MORC2: variants seen among roughly 807,000 people sequenced by gnomAD.
MORC2 encodes MORC family CW-type zinc finger 2.
Under a neutral mutation model 136.0 loss-of-function variants are expected in MORC2, and 30 were observed. The observed-to-expected ratio is 0.22, with a 90% confidence interval of 0.17 to 0.30. MORC2 has a LOEUF of 0.30. Among genes scored for constraint, MORC2 ranks in the 10% least tolerant of loss-of-function variants. The pLI is 1.00. For synonymous variants in MORC2, 439 were observed against 487.0 expected, an observed-to-expected ratio of 0.90 and a Z score of 1.30; for missense variants, 922 against 1,333.1, an observed-to-expected ratio of 0.69 and a Z score of 4.80.
Position 30,932,783 on chromosome 22 carries a change from A to G in MORC2, c.2523-14T>C, listed in dbSNP as rs146999378. On this transcript the variant is annotated splice_polypyrimidine_tract_variant and intron_variant, in intron 22 of 25. Transcript: ENST00000397641. The surrounding 1 kb of genome is among the most constrained non-coding windows in gnomAD (Gnocchi z 4.4). ...CCTTTCTCCACCCTGTGGAAGACAC[A>G]CAGCTTATGTCATGTCTGACCCGGG... 5.4e-5 allele frequency: 87 copies of G among 1,613,988 alleles called. No homozygotes were observed. The East Asian group carries it at 1.9e-3, about 36-fold the overall frequency.
rs143046823 is a variant in MORC2, at chr22:30,932,687, C to T, written c.2605G>A (p.Gly869Arg). 1.5e-5 allele frequency: 25 copies of T among 1,614,076 alleles called. No homozygotes were observed. Among genetic ancestry groups the T allele is most frequent in the African/African-American group, 1.5e-4 (11 of 74,926 alleles). ...HQSLDTQQEGGEEEVGPVAQQ... is the reference protein window; with the variant it reads ...HQSLDTQQEGREEEVGPVAQQ... ...GCCACAGGGCCCACCTCCTCCTCCC[C>T]GCCCTCCTGTTGTGTATCAAGGCTC... is the stretch of plus-strand genomic sequence containing the variant. Residue 869 changes from glycine (G) to arginine (R), a missense_variant, in exon 23 of 26, where the codon GGG becomes AGG. This residue lies in a region of MORC2 where 263 missense variants were observed against 388.3 expected (regional missense o/e 0.68). Coordinates refer to ENST00000397641, the MANE Select transcript of MORC2 (RefSeq NM_001303256.3). The surrounding 1 kb of genome is among the most constrained non-coding windows in gnomAD (Gnocchi z 4.4).
At chr22:30,949,392 G>C (rs1385617787) in intron 5 of MORC2, among the ~76,000 whole-genome samples, 1 of 152,192 alleles carries the variant, frequency 6.6e-6, no homozygotes, top group African/African-American at 2.4e-5. Context: ...TGCACAGTAA[G>C]GTGACCCCTT....
intron 5 of MORC2, among the ~76,000 whole-genome samples, chr22:30,947,731 A>G (rs2040839206): frequency 6.6e-6 from 1 of 152,128 alleles, no homozygotes; most frequent in Admixed American, 6.5e-5. Context: ...GCGTATGGGG[A>G]GCAAGTAAGG....
intron 6 of MORC2, among the ~76,000 whole-genome samples, chr22:30,944,561 A>G (rs1464833790): frequency 2.0e-5 from 3 of 152,050 alleles, no homozygotes; most frequent in African/African-American, 7.2e-5. Context: ...TTTGCTACCA[A>G]GAATGCTGAA....
At chr22:30,955,186 G>A (rs747542891) in intron 3 of MORC2, among the ~76,000 whole-genome samples, 1 of 152,000 alleles carries the variant, frequency 6.6e-6, no homozygotes, top group Non-Finnish European at 1.5e-5. Flanking sequence ...TCAAACACCC[G>A]ACCTAAGGTG....
chr22:30,964,812 A>G (rs899446980), intron 1 of MORC2, among the ~76,000 whole-genome samples: 2 of 152,210 alleles, frequency 1.3e-5, no homozygotes, highest in African/African-American at 4.8e-5. Context: ...ACTGTCTCCA[A>G]AAGATGCTCC....
intron 17 of MORC2, among the ~76,000 whole-genome samples, chr22:30,935,624 G>A (rs943818797): frequency 2.0e-5 from 3 of 152,152 alleles, no homozygotes; most frequent in East Asian, 1.9e-4. Flanking sequence ...GGGAAAACCT[G>A]GATGAAGCCA....
chr22:30,940,191 A>G, intron 10 of MORC2, 150 bp from the exon 11 acceptor site: 4 of 756,462 alleles, frequency 5.3e-6, no homozygotes, highest in Non-Finnish European at 8.6e-6. Flanking sequence ...ATGTGAGGGC[A>G]GCCTCTGTGC....
At position 30,935,013 on chromosome 22, in the gene MORC2, G is replaced by A. The variant is rs762562780; in HGVS notation, c.1961C>T (p.Pro654Leu). The A allele has an allele frequency of 1.2e-6, 2 of 1,614,134 alleles. No homozygotes were observed. The highest frequency in any genetic ancestry group is 2.2e-5 in the South Asian group (2 of 91,072). Reference sequence around the variant, plus strand: ...GGCCTCCTCCCGGGCTGCCAAAGCAGGGAGCTTTGGGGTACTGCTGATGAC... The same window carrying A: ...GGCCTCCTCCCGGGCTGCCAAAGCAAGGAGCTTTGGGGTACTGCTGATGAC... ...APVISSTPKL[P>L]ALAAREEAST... Residue 654 changes from proline (P) to leucine (L), a missense_variant, in exon 19 of 26, where the codon CCT becomes CTT. Pro to Leu is a moderately conservative substitution (Grantham distance 98). Coordinates refer to ENST00000397641, the MANE Select transcript of MORC2 (RefSeq NM_001303256.3).
intron 12 of MORC2, among the ~76,000 whole-genome samples, chr22:30,938,491 T>C (rs1354898426): frequency 6.6e-5 from 10 of 152,196 alleles, no homozygotes; most frequent in Admixed American, 6.5e-4. Context: ...TGCAAATCTG[T>C]GCAAAGACAA....
intron 3 of MORC2, among the ~76,000 whole-genome samples, chr22:30,952,197 A>C (rs2040898409): frequency 6.6e-6 from 1 of 152,350 alleles, no homozygotes; most frequent in South Asian, 2.1e-4. Flanking sequence ...AAGTGTCATA[A>C]GGAGACTCAA....
rs549864518 is a variant in MORC2 at position 30,941,224 on chromosome 22, T to C, written c.824+209A>G. ...CTGTCACAGAGGCACACATACTCAA[T>C]GAGCTTAGCCAGCCACCTCCACAGC... On this transcript the variant is annotated intron_variant, in intron 9 of 25. Transcript: ENST00000397641. This position sits in a 1 kb window ranked among gnomAD's most constrained non-coding sequence, Gnocchi z 4.6. 1.2e-4 allele frequency among the ~76,000 whole-genome samples: 19 copies of C among 152,226 alleles called. No homozygotes were observed. Among genetic ancestry groups the C allele is most frequent in the South Asian group, 2.1e-4 (1 of 4,824 alleles).
intron 17 of MORC2, 30 bp from the exon 18 acceptor site, chr22:30,935,352 T>C (rs377641841): frequency 5.0e-6 from 8 of 1,605,008 alleles, no homozygotes; most frequent in Admixed American, 3.4e-5. Context: ...ATGAAGTTGT[T>C]TGCATATTTT....
At chr22:30,956,281 GAAC>G (rs1215383249) in intron 3 of MORC2, among the ~76,000 whole-genome samples, 6 of 152,222 alleles carry the variant, frequency 3.9e-5, no homozygotes, top group African/African-American at 9.6e-5. Flanking sequence ...ACACCTCTGA[GAAC>G]AACTCAGCAA....
chr22:30,958,740 A>G, intron 1 of MORC2, 46 bp from the exon 2 acceptor site: 5 of 1,421,704 alleles, frequency 3.5e-6, no homozygotes, highest in Non-Finnish European at 4.8e-6. Flanking sequence ...TATTGAAGTT[A>G]TAATTCCTAA....
At position 30,939,643 on chromosome 22, in the gene MORC2, T is replaced by A. The variant is rs763533156; in HGVS notation, c.1051A>T (p.Arg351Trp). Residue 351 changes from arginine to tryptophan, a missense_variant, in exon 12 of 26, where the codon AGG becomes TGG. Coordinates refer to ENST00000397641, the MANE Select transcript of MORC2 (RefSeq NM_001303256.3). ...TLRREADVKK[R>W]IKEAKQRALK... ...CACCGCTGCTTGGCCTCCTTGATCC[T>A]CTTCTTGACATCGGCTTCTCTGCGC... 1.2e-6 allele frequency: 2 copies of A among 1,614,146 alleles called. No homozygotes were observed. The highest frequency in any genetic ancestry group is 3.3e-5 in the Admixed American group (2 of 60,024).
chr22:30,937,871 T>C lies in MORC2; in HGVS notation c.1313A>G (p.His438Arg). The stretch of plus-strand genomic sequence containing the variant: ...GTGCTCCCCCATTGCTCGGAGCAGG[T>C]GCCGGTACTCCTTGGCATCAGCAAA... ...QDFADAKEYR[H>R]LLRAMGEHLA... The change falls in exon 14 of 26, where the codon CAC becomes CGC. Residue 438 changes from histidine (H) to arginine (R), a missense_variant. His to Arg is a conservative substitution (Grantham distance 29, BLOSUM62 0). This residue lies in a region of MORC2 where 119 missense variants were observed against 202.7 expected (regional missense o/e 0.59). Transcript: ENST00000397641. This position sits in a 1 kb window ranked among gnomAD's most constrained non-coding sequence, Gnocchi z 4.7. 6.2e-7 allele frequency: 1 copy of C among 1,614,142 alleles called. No homozygotes were observed. Among genetic ancestry groups the C allele is most frequent in the Non-Finnish European group, 8.5e-7 (1 of 1,180,028 alleles).
chr22:30,941,650 T>C lies in MORC2; in HGVS notation c.699-92A>G. 1 of 1,506,744 alleles carries C rather than the reference T, an allele frequency of 6.6e-7. No individual in the cohort carries two copies. Among genetic ancestry groups the C allele is most frequent in the Non-Finnish European group, 9.0e-7 (1 of 1,113,696 alleles). 93.3% of individuals were successfully genotyped at this position (1,506,744 alleles called of 1,614,324 possible). On this transcript the variant is annotated intron_variant, in intron 8 of 25. Transcript: ENST00000397641. The surrounding 1 kb of genome is among the most constrained non-coding windows in gnomAD (Gnocchi z 4.6). ...ATCCTCTCTGCAGGCTCTCCACCTT[T>C]CCATGTTAGGTACTGACTTCTGCTG... is the stretch of plus-strand genomic sequence containing the variant.
Position 30,934,089 on chromosome 22 carries a change from C to G in MORC2, c.2296G>C (p.Val766Leu). ...KERCKRGRFV[V>L]KEEKKDSNEL... ...TTCGAGTCCTTCTTTTCCTCCTTCA[C>G]AACAAATCTGCCCCGCTTGCACCTC... Residue 766 changes from valine to leucine, a missense_variant, in exon 20 of 26, where the codon GTG becomes CTG. Transcript: ENST00000397641. This position sits in a 1 kb window ranked among gnomAD's most constrained non-coding sequence, Gnocchi z 4.4. 6.2e-7 allele frequency: 1 copy of G among 1,614,178 alleles called. No individual in the cohort carries two copies. The highest frequency in any genetic ancestry group is 8.5e-7 in the Non-Finnish European group (1 of 1,180,030).
Sources: allele counts gnomAD v4.1 joint callset (sites outside exome capture counted in the v4.1 genomes callset), GRCh38; gene constraint gnomAD v4.1.1; regional missense constraint gnomAD v4.1.1; non-coding constraint Gnocchi (gnomAD v3.1); transcripts MANE v1.5; gene names NCBI Gene and HGNC (gene_info 2026-07-23, HGNC 2026-07-21).